The following ZNF730 variants were observed in gnomAD, a reference collection of about 807,000 sequenced individuals.
ZNF730 encodes the protein putative zinc finger protein 730.
ZNF730 carries 12 observed loss-of-function variants against 12.6 expected under a neutral mutation model. That is an observed-to-expected ratio of 0.95 (90% CI 0.61 to 1.54). The LOEUF is 1.54. ZNF730 is among the 40% of genes most tolerant of loss of function. The pLI is 0.00. For missense variants in ZNF730, 643 were observed against 583.5 expected (o/e 1.10, Z -1.05); for synonymous variants, 194 against 195.8 (o/e 0.99, Z 0.08).
At chr19:23,127,435 T>A in intron 1 of ZNF730, 1 of 1,076,508 alleles carries the variant, frequency 9.3e-7, no homozygotes, top group Non-Finnish European at 1.4e-6. Flanking sequence ...TTGTGAATTC[T>A]TCCTTTGTCA....
At chr19:23,087,364 C>T (rs1970081008) in intron 1 of ZNF730, among the ~76,000 whole-genome samples, 10 of 151,914 alleles carry the variant, frequency 6.6e-5, no homozygotes, top group Admixed American at 6.6e-4. Context: ...GTCGAGATCG[C>T]ACCACTGCAC....
intron 1 of ZNF730, among the ~76,000 whole-genome samples, chr19:23,111,618 G>T (rs1376178408): frequency 2.3e-4 from 35 of 152,028 alleles, no homozygotes. Context: ...GCATGGTGGT[G>T]CATGCCTGTA....
intron 1 of ZNF730, among the ~76,000 whole-genome samples, chr19:23,084,705 A>G (rs1417927083): frequency 6.6e-6 from 1 of 152,204 alleles, no homozygotes; most frequent in Non-Finnish European, 1.5e-5. Context: ...AAATGAGAAC[A>G]TGCAGTATTT....
chr19:23,095,646 G>T (rs752957472), intron 1 of ZNF730: 59 of 387,266 alleles, frequency 1.5e-4, no homozygotes, highest in Non-Finnish European at 4.6e-5. Context: ...GTGGTGTATT[G>T]CTGGGCCCAG....
chr19:23,116,134 T>G (rs2145588369), upstream of ZNF730, among the ~76,000 whole-genome samples: 1 of 152,308 alleles, frequency 6.6e-6, no homozygotes, highest in South Asian at 2.1e-4. Flanking sequence ...AAAATAATTT[T>G]GCCTTTAATC....
At chr19:23,134,491 G>A (rs1465931582) in intron 2 of ZNF730, among the ~76,000 whole-genome samples, 1 of 145,956 alleles carries the variant, frequency 6.9e-6, no homozygotes, top group Admixed American at 6.7e-5. Flanking sequence ...CCAGCCCCCC[G>A]CCCGGCCGGC....
chr19:23,143,293 C>G (rs914753942), intron 3 of ZNF730, among the ~76,000 whole-genome samples: 3 of 151,932 alleles, frequency 2.0e-5, no homozygotes, highest in African/African-American at 7.2e-5. Context: ...AAAAAATTAA[C>G]TTCAACTGAA....
At chr19:23,136,563 C>G (rs1179256865) in intron 3 of ZNF730, among the ~76,000 whole-genome samples, 1 of 152,092 alleles carries the variant, frequency 6.6e-6, no homozygotes, top group Non-Finnish European at 1.5e-5. Context: ...CATCACCACA[C>G]CCAGCAAATT....
In ZNF730 at chr19:23,147,197, C is replaced by A; in HGVS notation, c.*641C>A. On this transcript the variant is annotated 3_prime_UTR_variant, in exon 4 of 4. Coordinates refer to ENST00000597761, the MANE Select transcript of ZNF730 (RefSeq NM_001277403.2). Reference sequence around the variant, plus strand: ...CATCAACTCAACATCAGAGTTCATACTTAATAAAATCATTAAAAGTGCAAT... The same window carrying A: ...CATCAACTCAACATCAGAGTTCATAATTAATAAAATCATTAAAAGTGCAAT... The A allele has an allele frequency of 6.4e-6, 1 of 156,550 alleles. No individual in the cohort carries two copies. The highest frequency in any genetic ancestry group is 1.4e-5 in the Non-Finnish European group (1 of 70,588). 9.7% of individuals were successfully genotyped at this position (156,550 alleles called of 1,614,324 possible). A position where few individuals can be genotyped will look rare whatever the true frequency, so the allele number is the denominator to read the frequency against.
At chr19:23,114,493 TTTTATTTTTATTTTA>T (rs969014982), upstream of ZNF730, among the ~76,000 whole-genome samples, 19 of 122,586 alleles carry the variant, frequency 1.5e-4, no homozygotes, top group Non-Finnish European at 2.8e-4. Flanking sequence ...TTTTATTTAT[TTTTATTTTTATTTTA>T]TTTATTTTTA....
intron 2 of ZNF730, among the ~76,000 whole-genome samples, chr19:23,134,667 G>A (rs1488349020): frequency 0.013 from 1,890 of 143,420 alleles, 50 homozygotes; most frequent in African/African-American, 0.046. Flanking sequence ...CTGCCCGGCC[G>A]CCCCTACTGG....
upstream of ZNF730, chr19:23,117,005 G>A: frequency 2.3e-6 from 3 of 1,284,006 alleles, no homozygotes; most frequent in African/African-American, 3.0e-5. Flanking sequence ...CAGACAGGGC[G>A]GCTTCCGGGA....
intron 1 of ZNF730, among the ~76,000 whole-genome samples, chr19:23,083,621 T>A (rs1970006150): frequency 6.6e-6 from 1 of 152,022 alleles, no homozygotes. Flanking sequence ...GTATAGCCAT[T>A]CTAATAGCGT....
intron 1 of ZNF730, among the ~76,000 whole-genome samples, chr19:23,108,450 C>G (rs1970421159): frequency 6.6e-6 from 1 of 152,162 alleles, no homozygotes; most frequent in South Asian, 2.1e-4. Context: ...AGATTTGTCC[C>G]ATGGCTGCTT....
rs757186803 is a variant in ZNF730 at position 23,145,534 on chromosome 19, A to G, written c.490A>G (p.Lys164Glu). ...TAAATTTTCAAATTCAAACAGACAT[A>G]AGATAAGACATACTTCGAAGAAACC... ...FHKFSNSNRHKIRHTSKKPFK... is the reference protein window; with the variant it reads ...FHKFSNSNRHEIRHTSKKPFK... Residue 164 changes from lysine to glutamate, a missense_variant, in exon 4 of 4, where the codon AAG (lysine) becomes GAG (glutamate). Physicochemically the swap from Lys to Glu is moderately conservative, Grantham distance 56 (BLOSUM62 1). Transcript: ENST00000597761. 6.4e-6 allele frequency: 10 copies of G among 1,555,734 alleles called. No individual in the cohort carries two copies. Among genetic ancestry groups the G allele is most frequent in the Non-Finnish European group, 8.7e-6 (10 of 1,150,866 alleles).
chr19:23,124,656 A>C (rs935314951), intron 1 of ZNF730, among the ~76,000 whole-genome samples: 5 of 152,342 alleles, frequency 3.3e-5, no homozygotes, highest in African/African-American at 1.2e-4. Flanking sequence ...TTCTCAGTGT[A>C]AAAGAAATGA....
chr19:23,076,074 C>T (rs1436357516), intron 1 of ZNF730, among the ~76,000 whole-genome samples: 1 of 151,866 alleles, frequency 6.6e-6, no homozygotes, highest in African/African-American at 2.4e-5. Context: ...CACTTTTTTC[C>T]CTTAGCCTAA....
chr19:23,126,463 T>G (rs1263836726), intron 1 of ZNF730: 2 of 323,134 alleles, frequency 6.2e-6, no homozygotes, highest in Non-Finnish European at 1.2e-5. Flanking sequence ...TTTTGTCAGC[T>G]GTTTTTTATT....
intron 1 of ZNF730, among the ~76,000 whole-genome samples, chr19:23,092,033 G>A (rs1382859037): frequency 1.3e-5 from 2 of 152,130 alleles, no homozygotes; most frequent in Non-Finnish European, 2.9e-5. Flanking sequence ...AGTGACCCAG[G>A]GGAATGTAAT....
Sources: gnomAD v4.1 joint callset for allele counts (sites outside exome capture counted in the v4.1 genomes callset) on GRCh38, gnomAD v4.1.1 for gene constraint, MANE v1.5 for transcripts, NCBI Gene and HGNC (gene_info 2026-07-23, HGNC 2026-07-21) for gene names.